Variants in NBAS observed in about 807,000 individuals in gnomAD.
The protein encoded by NBAS is NAG/BC035112 fusion.
Under a neutral mutation model 302.5 loss-of-function variants are expected in NBAS, and 219 were observed. The observed-to-expected ratio is 0.72, with a 90% CI of 0.65 to 0.81. NBAS has a LOEUF of 0.81. Ranked by LOEUF, NBAS falls within the 30% of genes least tolerant of loss-of-function variation. The pLI is 0.00. For missense variants in NBAS, 2,932 were observed against 2,841.6 expected (o/e 1.03, Z -0.72); for synonymous variants, 1,118 against 1,021.6 (o/e 1.09, Z -1.80).
Position 15,219,215 on chromosome 2 carries a change from C to T in NBAS, c.6237-247G>A, listed in dbSNP as rs10206716. On this transcript the variant is annotated intron_variant, in intron 47 of 51. Transcript: ENST00000281513. The stretch of plus-strand genomic sequence containing the variant: ...AAATGAGTTATATAAAGCAGATAAA[C>T]ATCCTTGGCTAGCTTATTTCAAAAT... Among the ~76,000 whole-genome samples, 115,517 of 152,060 alleles carry T rather than the reference C, an allele frequency of 0.76. 45,202 individuals carry two copies. Among genetic ancestry groups the T allele is most frequent in the East Asian group, 0.96 (5,004 of 5,194 alleles).
At chr2:15,177,512 C>G (rs1664604185) in intron 51 of NBAS, among the ~76,000 whole-genome samples, 1 of 152,134 alleles carries the variant, frequency 6.6e-6, no homozygotes, top group Non-Finnish European at 1.5e-5. Flanking sequence ...AGGACTGTAT[C>G]AAGAGAGCTC....
the NBAS span, among the ~76,000 whole-genome samples, chr2:15,090,828 C>G: frequency 1.3e-5 from 2 of 152,204 alleles, no homozygotes; most frequent in African/African-American, 4.8e-5. Context: ...GGCTTTCACA[C>G]GCTAGCCTTA....
intron 9 of NBAS, among the ~76,000 whole-genome samples, chr2:15,526,112 A>G (rs965599396): frequency 3.3e-5 from 5 of 152,164 alleles, no homozygotes; most frequent in Non-Finnish European, 7.4e-5. Flanking sequence ...TAAAACCTAC[A>G]GAGCAAAGAG....
intron 49 of NBAS, 116 bp from the exon 50 acceptor site, chr2:15,186,996 C>T (rs568605571): frequency 8.5e-5 from 121 of 1,427,064 alleles, no homozygotes; most frequent in South Asian, 2.4e-4. Context: ...ATCTAGGTGA[C>T]GTGCTGCTTC....
At chr2:15,478,034 G>C (rs965426929) in intron 13 of NBAS, among the ~76,000 whole-genome samples, 192 bp downstream of exon 13, 1 of 25,696 alleles carries the variant, frequency 3.9e-5, no homozygotes, top group Non-Finnish European at 1.1e-4. Flanking sequence ...CTCCTGGCAG[G>C]AGAGCCAGCT....
At chr2:15,536,305 T>A (rs1390182890) in intron 8 of NBAS, 113 bp downstream of exon 8, 1 of 1,250,042 alleles carries the variant, frequency 8.0e-7, no homozygotes, top group Non-Finnish European at 1.1e-6. Flanking sequence ...CCTATTATAT[T>A]TGCAATTTTT....
chr2:15,241,148 G>A (rs944334468), intron 44 of NBAS, among the ~76,000 whole-genome samples: 1 of 152,178 alleles, frequency 6.6e-6, no homozygotes, highest in Admixed American at 6.5e-5. Context: ...GTTGAATGCT[G>A]AATGACAAAA....
chr2:15,202,216 C>G (rs771895442), intron 48 of NBAS, among the ~76,000 whole-genome samples: 2 of 152,284 alleles, frequency 1.3e-5, no homozygotes, highest in Non-Finnish European at 2.9e-5. Flanking sequence ...CACACAGAAT[C>G]CAACAACTGC....
chr2:15,242,684 G>A (rs1490239769), intron 44 of NBAS, among the ~76,000 whole-genome samples: 3 of 150,314 alleles, frequency 2.0e-5, no homozygotes, highest in South Asian at 2.1e-4. Flanking sequence ...GTGGCCCCAC[G>A]GTACCATTAT....
At chr2:15,329,777 T>C (rs1672237834) in intron 36 of NBAS, among the ~76,000 whole-genome samples, 1 of 152,188 alleles carries the variant, frequency 6.6e-6, no homozygotes, top group Admixed American at 6.5e-5. Context: ...GGTTCAATCA[T>C]ATCTCTGCTC....
At position 15,356,395 on chromosome 2, in the gene NBAS, C is replaced by T. The variant is rs149082253; in HGVS notation, c.3839G>A (p.Arg1280Gln). The T allele has an allele frequency of 2.6e-5, 42 of 1,613,656 alleles. No individual in the cohort carries two copies. Among genetic ancestry groups the T allele is most frequent in the Admixed American group, 5.0e-5 (3 of 59,978 alleles). Residue 1280 changes from arginine to glutamine, a missense_variant, in exon 33 of 52, where the codon CGG (arginine) becomes CAG (glutamine). Physicochemically the swap from Arg to Gln is conservative, Grantham distance 43. Coordinates refer to ENST00000281513, the MANE Select transcript of NBAS (RefSeq NM_015909.4). ...RVAGENPEER[R>Q]GQVLILLVEQ... Reference sequence around the variant, plus strand: ...CACTAAAAGGATTAGAACCTGTCCCCGCCTTTCTTCTGGGTTCTCACCTGT... The same window carrying T: ...CACTAAAAGGATTAGAACCTGTCCCTGCCTTTCTTCTGGGTTCTCACCTGT...
chr2:15,117,871 C>T, the NBAS span, among the ~76,000 whole-genome samples: 1 of 152,156 alleles, frequency 6.6e-6, no homozygotes, highest in East Asian at 1.9e-4. Context: ...CCTCCTGCCA[C>T]TCCTCTCAAA....
At chr2:15,108,589 C>T in the NBAS span, among the ~76,000 whole-genome samples, 270 of 152,230 alleles carry the variant, frequency 1.8e-3, no homozygotes, top group African/African-American at 5.8e-3. Context: ...GAAGCAGCCC[C>T]AGAGAGGGAG....
the NBAS span, among the ~76,000 whole-genome samples, chr2:15,083,961 G>A: frequency 6.6e-6 from 1 of 151,896 alleles, no homozygotes; most frequent in Non-Finnish European, 1.5e-5. Flanking sequence ...TTTGTTTGCT[G>A]GTTAGATCGA....
chr2:15,009,360 C>CTTAAG, the NBAS span, among the ~76,000 whole-genome samples: 8 of 151,674 alleles, frequency 5.3e-5, no homozygotes, highest in Non-Finnish European at 1.0e-4. Context: ...TGTAAATACC[C>CTTAAG]ATTAGAAAAA....
At chr2:14,861,699 T>C in the NBAS span, among the ~76,000 whole-genome samples, 1 of 152,258 alleles carries the variant, frequency 6.6e-6, no homozygotes, top group Non-Finnish European at 1.5e-5. Context: ...AATTTTATAT[T>C]GCACTTTTTT....
chr2:15,056,833 CTTT>C, the NBAS span, among the ~76,000 whole-genome samples: 15 of 126,066 alleles, frequency 1.2e-4, no homozygotes, highest in African/African-American at 1.9e-4. Flanking sequence ...TTTTTTTTTT[CTTT>C]TTTTTTTTTT....
At chr2:15,463,742 T>G (rs1396138534) in intron 19 of NBAS, among the ~76,000 whole-genome samples, 1 of 128,732 alleles carries the variant, frequency 7.8e-6, no homozygotes, top group Non-Finnish European at 1.6e-5. Context: ...CATTTTAATT[T>G]CAAAACCTCA....
chr2:15,275,942 G>A (rs1403152797), intron 43 of NBAS, 124 bp from the exon 44 acceptor site: 3 of 808,884 alleles, frequency 3.7e-6, no homozygotes, highest in Non-Finnish European at 6.0e-6. Flanking sequence ...TTAGCTCTAA[G>A]TAGCTAGTTT....
Sources: gnomAD v4.1 joint callset for allele counts (sites outside exome capture counted in the v4.1 genomes callset) on GRCh38, gnomAD v4.1.1 for gene constraint, MANE v1.5 for transcripts, NCBI Gene and HGNC (gene_info 2026-07-23, HGNC 2026-07-21) for gene names.